HINT3: variants seen among roughly 807,000 people sequenced by gnomAD.
HINT3 encodes the protein adenosine 5'-monophosphoramidase HINT3.
In HINT3, 16 loss-of-function variants were observed where a neutral mutation model predicts 19.1. That is an observed-to-expected ratio of 0.84 (90% CI 0.57 to 1.27). HINT3 has a LOEUF of 1.27. HINT3 is among the 50% of genes most tolerant of loss of function. The probability of loss-of-function intolerance (pLI) is 0.00; values close to 1 mark genes in which losing one functional copy is unlikely to be tolerated. For missense variants in HINT3, 197 were observed against 225.8 expected, an observed-to-expected ratio of 0.87 and a Z score of 0.82; for synonymous variants, 75 against 84.8, an observed-to-expected ratio of 0.88 and a Z score of 0.63.
Position 125,976,068 on chromosome 6 carries a change from T to G in HINT3, c.516+1095T>G, listed in dbSNP as rs562662616. The stretch of plus-strand genomic sequence containing the variant: ...ATGTGTCCATGATGACAAAGTGATC[T>G]GTAGTTGCCATATCTGAATAATCAT... On this transcript the variant is annotated intron_variant, in intron 4 of 4. Coordinates refer to ENST00000229633, the MANE Select transcript of HINT3 (RefSeq NM_138571.5). Among the ~76,000 whole-genome samples the G allele has an allele frequency of 2.0e-5, 3 of 152,338 alleles. No homozygotes were observed. The South Asian group carries it at 6.2e-4, about 32-fold the overall frequency.
rs1355993698 is a variant in HINT3 at position 125,977,925 on chromosome 6, C to T, written c.*249C>T. 1.3e-5 allele frequency: 4 copies of T among 306,974 alleles called. No individual in the cohort carries two copies. The highest frequency in any genetic ancestry group is 2.4e-5 in the Non-Finnish European group (4 of 169,244). The allele number at this position is 306,974 out of a possible 1,614,324, so 19.0% of individuals were successfully genotyped here. A position where few individuals can be genotyped will look rare whatever the true frequency, so the allele number is the denominator to read the frequency against. On this transcript the variant is annotated 3_prime_UTR_variant, in exon 5 of 5. Transcript: ENST00000229633. The stretch of plus-strand genomic sequence containing the variant: ...ATATATATGATACTATAGATAAAAT[C>T]CTATTTAAGACAAATTCTGTTAATC...
Position 125,957,137 on chromosome 6 carries a change from G to C in HINT3, c.160G>C (p.Ala54Pro), listed in dbSNP as rs1410682117. 1.9e-6 allele frequency: 3 copies of C among 1,550,164 alleles called. No individual in the cohort carries two copies. The highest frequency in any genetic ancestry group is 2.6e-6 in the Non-Finnish European group (3 of 1,146,606). The change falls in exon 1 of 5, where the codon GCG becomes CCG. Residue 54 changes from alanine (A) to proline (P), a missense_variant. Coordinates refer to ENST00000229633, the MANE Select transcript of HINT3 (RefSeq NM_138571.5). ...CAGCACCTGCGTGTTCTGCCGGATC[G>C]CGGGGCGGCAGGACCCGGGCACCGA... is the stretch of plus-strand genomic sequence containing the variant. Reference protein sequence around the residue: ...YDSTCVFCRIAGRQDPGTELL... With the variant: ...YDSTCVFCRIPGRQDPGTELL...
chr6:125,962,189 CATATAT>C (rs371993982), intron 1 of HINT3, among the ~76,000 whole-genome samples: 13 of 64,298 alleles, frequency 2.0e-4, no homozygotes, highest in Admixed American at 6.8e-4. Context: ...TATATATACA[CATATAT>C]ATATATATAT....
At chr6:125,963,155 G>GA (rs1326704110) in intron 1 of HINT3, among the ~76,000 whole-genome samples, 1 of 152,144 alleles carries the variant, frequency 6.6e-6, no homozygotes, top group Non-Finnish European at 1.5e-5. Context: ...CTCTGGTTGA[G>GA]AAACACTGCT....
chr6:125,969,648 C>A (rs564323462), intron 2 of HINT3, among the ~76,000 whole-genome samples: 2 of 152,230 alleles, frequency 1.3e-5, no homozygotes, highest in East Asian at 3.9e-4. Context: ...TTGTTTGTAT[C>A]ATCTATGATT....
At chr6:125,968,469 C>T (rs1324386468) in intron 2 of HINT3, among the ~76,000 whole-genome samples, 1 of 152,148 alleles carries the variant, frequency 6.6e-6, no homozygotes. Flanking sequence ...TGCTGTGACT[C>T]ACATACAAGT....
intron 2 of HINT3, 47 bp from the exon 3 acceptor site, chr6:125,972,212 C>A: frequency 8.1e-7 from 1 of 1,239,708 alleles, no homozygotes; most frequent in Non-Finnish European, 1.2e-6. Context: ...CAATTTGTGA[C>A]CTTAATGTCT....
Position 125,958,515 on chromosome 6 carries a change from G to A in HINT3, c.201+1337G>A, listed in dbSNP as rs186644010. 3.3e-5 allele frequency among the ~76,000 whole-genome samples: 5 copies of A among 152,302 alleles called. No individual in the cohort carries two copies. In the East Asian group the frequency reaches 5.8e-4, roughly 18 times the overall value. ...GACCAGTCTGGAGGTATGGAGACCC[G>A]TTAGAAGGCTAGTAGATTAATCTAC... On this transcript the variant is annotated intron_variant, in intron 1 of 4. Transcript: ENST00000229633.
chr6:125,972,239 G>A lies in HINT3; in HGVS notation c.320-20G>A, dbSNP rs1219736870. 6.6e-7 allele frequency: 1 copy of A among 1,516,542 alleles called. No homozygotes were observed. The highest frequency in any genetic ancestry group is 2.0e-5 in the Admixed American group (1 of 50,126). The allele number at this position is 1,516,542 out of a possible 1,614,324, so 93.9% of individuals were successfully genotyped here. ...TTAATGTCTCCTCTAGTGTAATGTT[G>A]TGTCTTTTCTGTTTTACAGTTGAGA... On this transcript the variant is annotated intron_variant, in intron 2 of 4. Transcript: ENST00000229633.
chr6:125,977,709 G>GGTT lies in HINT3; in HGVS notation c.*34_*36dup, dbSNP rs747709906. On this transcript the variant is annotated 3_prime_UTR_variant, in exon 5 of 5. Coordinates refer to ENST00000229633, the MANE Select transcript of HINT3 (RefSeq NM_138571.5). Reference sequence around the variant, plus strand: ...AAGAGTGGAAGATTTTTCTAATCTTGGTTCAGCATGAAGTGGTATTTAGGT... The same window carrying GGTT: ...AAGAGTGGAAGATTTTTCTAATCTTGGTTGTTCAGCATGAAGTGGTATTTAGGT... 7.1e-7 allele frequency: 1 copy of GGTT among 1,404,590 alleles called. No homozygotes were observed. Among genetic ancestry groups the GGTT allele is most frequent in the Admixed American group, 2.2e-5 (1 of 46,104 alleles). 87.0% of individuals were successfully genotyped at this position (1,404,590 alleles called of 1,614,324 possible).
chr6:125,977,106 G>C (rs779694630), intron 4 of HINT3, among the ~76,000 whole-genome samples: 1 of 152,068 alleles, frequency 6.6e-6, no homozygotes, highest in African/African-American at 2.4e-5. Context: ...GTTGACTCTT[G>C]GTTTTATATT....
intron 2 of HINT3, among the ~76,000 whole-genome samples, chr6:125,968,567 A>T (rs566358168): frequency 1.5e-3 from 223 of 152,196 alleles, no homozygotes; most frequent in Non-Finnish European, 2.6e-3. Flanking sequence ...GTTCTATTTT[A>T]ATTTTTTTGA....
chr6:125,978,877 T>C lies in HINT3; in HGVS notation c.*1201T>C, dbSNP rs1789211314. On this transcript the variant is annotated 3_prime_UTR_variant, in exon 5 of 5. Coordinates refer to ENST00000229633, the MANE Select transcript of HINT3 (RefSeq NM_138571.5). ...ATTAATTTATTCATTCAGCAAACAT[T>C]TGTTGAACATTTAATGTGTACCAGA... The C allele has an allele frequency of 6.6e-6, 1 of 152,200 alleles. No homozygotes were observed. The highest frequency in any genetic ancestry group is 6.5e-5 in the Admixed American group (1 of 15,282). The allele number at this position is 152,200 out of a possible 1,614,324, so 9.4% of individuals were successfully genotyped here. A position where few individuals can be genotyped will look rare whatever the true frequency, so the allele number is the denominator to read the frequency against.
At position 125,978,673 on chromosome 6, in the gene HINT3, A is replaced by G. The variant is rs958057689; in HGVS notation, c.*997A>G. ...TTAATCCTACATTGTGCCAGTGTAT[A>G]TTAGTACCATGTAAATGAATATGAA... On this transcript the variant is annotated 3_prime_UTR_variant, in exon 5 of 5. Coordinates refer to ENST00000229633, the MANE Select transcript of HINT3 (RefSeq NM_138571.5). 1.3e-5 allele frequency: 2 copies of G among 152,228 alleles called. No homozygotes were observed. Among genetic ancestry groups the G allele is most frequent in the Admixed American group, 1.3e-4 (2 of 15,286 alleles). The allele number at this position is 152,228 out of a possible 1,614,324, so 9.4% of individuals were successfully genotyped here.
At chr6:125,970,303 A>G (rs1412961507) in intron 2 of HINT3, among the ~76,000 whole-genome samples, 2 of 152,166 alleles carry the variant, frequency 1.3e-5, no homozygotes, top group Non-Finnish European at 2.9e-5. Flanking sequence ...AGCTTATAAC[A>G]ATTAGATCCA....
At chr6:125,963,776 A>G (rs1234299088) in intron 1 of HINT3, among the ~76,000 whole-genome samples, 1 of 152,188 alleles carries the variant, frequency 6.6e-6, no homozygotes, top group Non-Finnish European at 1.5e-5. Flanking sequence ...AACATCTATA[A>G]AGTCTCCTTA....
chr6:125,972,306 T>G lies in HINT3; in HGVS notation c.367T>G (p.Phe123Val). ...VGKTILERNN[F>V]TDFTNVRMGF... ...AAAAACCATTCTTGAAAGAAATAAT[T>G]TCACTGACTTCACGAATGTGAGGTG... The change falls in exon 3 of 5, where the codon TTC becomes GTC. Residue 123 changes from phenylalanine (F) to valine (V), a missense_variant. Coordinates refer to ENST00000229633, the MANE Select transcript of HINT3 (RefSeq NM_138571.5). 1 of 1,572,100 alleles carries G rather than the reference T, an allele frequency of 6.4e-7. No individual in the cohort carries two copies. Among genetic ancestry groups the G allele is most frequent in the East Asian group, 2.4e-5 (1 of 42,090 alleles).
chr6:125,975,951 C>T (rs1789173278), intron 4 of HINT3, among the ~76,000 whole-genome samples: 2 of 152,156 alleles, frequency 1.3e-5, no homozygotes, highest in South Asian at 2.1e-4. Flanking sequence ...GCTGTTTATA[C>T]ACCTGTGGTC....
At chr6:125,966,577 T>C (rs1430005871) in intron 1 of HINT3, among the ~76,000 whole-genome samples, 2 of 152,126 alleles carry the variant, frequency 1.3e-5, no homozygotes, top group Non-Finnish European at 2.9e-5. Flanking sequence ...AACTTTAGGG[T>C]AGGGATAGAG....
Sources: gnomAD v4.1 joint callset for allele counts (sites outside exome capture counted in the v4.1 genomes callset) on GRCh38, gnomAD v4.1.1 for gene constraint, MANE v1.5 for transcripts, NCBI Gene and HGNC (gene_info 2026-07-23, HGNC 2026-07-21) for gene names.